The following ASIC2 variants were observed in gnomAD, a reference collection of about 807,000 sequenced individuals.
The protein encoded by ASIC2 is acid-sensing ion channel 2.
ASIC2 carries 25 observed loss-of-function variants against 57.3 expected under a neutral mutation model. The ratio of observed to expected loss-of-function variants is 0.44; its 90% CI spans 0.32 to 0.61. The LOEUF (loss-of-function observed/expected upper bound fraction) is 0.61, where lower values mean the gene tolerates loss of function less well. Ranked by LOEUF, ASIC2 falls within the 20% of genes least tolerant of loss-of-function variation. The probability of loss-of-function intolerance (pLI) is 0.06; values close to 1 mark genes in which losing one functional copy is unlikely to be tolerated. For missense variants in ASIC2, 641 were observed against 738.1 expected (o/e 0.87, Z 1.52); for synonymous variants, 319 against 307.5 (o/e 1.04, Z -0.39).
At chr17:33,666,772 T>C (rs1907488140) in intron 1 of ASIC2, among the ~76,000 whole-genome samples, 1 of 152,118 alleles carries the variant, frequency 6.6e-6, no homozygotes, top group South Asian at 2.1e-4. Context: ...TGGACAGTGC[T>C]CCCCAGCATG....
chr17:33,140,888 A>T (rs1010258008), intron 1 of ASIC2, among the ~76,000 whole-genome samples: 8 of 152,232 alleles, frequency 5.3e-5, no homozygotes, highest in Non-Finnish European at 7.3e-5. Context: ...GGCACATTCC[A>T]TCCGGGCCAC....
At chr17:34,110,425 CT>C (rs1439563132) in intron 1 of ASIC2, among the ~76,000 whole-genome samples, 1 of 152,230 alleles carries the variant, frequency 6.6e-6, no homozygotes, top group Non-Finnish European at 1.5e-5. Context: ...CTCTCTGCCC[CT>C]GGCTCTCCCA....
chr17:33,409,834 G>A (rs1453528608), intron 1 of ASIC2, among the ~76,000 whole-genome samples: 1 of 152,172 alleles, frequency 6.6e-6, no homozygotes. Flanking sequence ...AGTTTGGGCG[G>A]CCTCTTGGCC....
chr17:33,892,162 G>A (rs555261817), intron 1 of ASIC2, among the ~76,000 whole-genome samples: 1 of 152,278 alleles, frequency 6.6e-6, no homozygotes, highest in East Asian at 1.9e-4. Flanking sequence ...GTACTCATTT[G>A]AGAAATAGAC....
intron 1 of ASIC2, among the ~76,000 whole-genome samples, chr17:33,952,766 A>T (rs539350097): frequency 6.6e-6 from 1 of 152,230 alleles, no homozygotes; most frequent in South Asian, 2.1e-4. Flanking sequence ...AGTAAAAAAC[A>T]TCCTAATTAT....
intron 1 of ASIC2, among the ~76,000 whole-genome samples, chr17:33,623,289 T>C (rs898376886): frequency 1.3e-5 from 2 of 151,804 alleles, no homozygotes; most frequent in African/African-American, 4.8e-5. Context: ...TGAGATGGAG[T>C]CTCTCTCTGT....
intron 1 of ASIC2, among the ~76,000 whole-genome samples, chr17:33,305,957 C>T (rs962963654): frequency 6.6e-6 from 1 of 152,114 alleles, no homozygotes; most frequent in Non-Finnish European, 1.5e-5. Context: ...AGTTATTATT[C>T]GATACATGGC....
intron 1 of ASIC2, among the ~76,000 whole-genome samples, chr17:33,886,933 A>G (rs1048151833): frequency 4.1e-5 from 6 of 146,766 alleles, no homozygotes; most frequent in African/African-American, 1.5e-4. Context: ...TACCAAAGGC[A>G]GAAAACAAAC....
chr17:33,464,505 TTTCTTTCTTTC>T (rs1912762953), intron 1 of ASIC2, among the ~76,000 whole-genome samples: 2 of 51,266 alleles, frequency 3.9e-5, no homozygotes, highest in Non-Finnish European at 7.7e-5. Context: ...TCTTTCTTTC[TTTCTTTCTTTC>T]TTTCTTTCTT....
In ASIC2 at chr17:33,708,645, C is replaced by T. The variant is rs1279720132; in HGVS notation, c.555+447333G>A. Among the ~76,000 whole-genome samples, 4 of 152,148 alleles carry T rather than the reference C, an allele frequency of 2.6e-5. No homozygotes were observed. In the South Asian group the frequency reaches 8.3e-4, roughly 32 times the overall value. Reference sequence around the variant, plus strand: ...CTCTGTTCTCTATGGGATGAGGTTTCTCTGCTCCATGTCCAGTAGGGAAAA... The same window carrying T: ...CTCTGTTCTCTATGGGATGAGGTTTTTCTGCTCCATGTCCAGTAGGGAAAA... On this transcript the variant is annotated intron_variant, in intron 1 of 9. Transcript: ENST00000359872.
chr17:33,344,391 C>T (rs1218869708), intron 1 of ASIC2, among the ~76,000 whole-genome samples: 1 of 152,126 alleles, frequency 6.6e-6, no homozygotes, highest in African/African-American at 2.4e-5. Context: ...GTCATTTTTA[C>T]CTGGCAGGGA....
intron 1 of ASIC2, among the ~76,000 whole-genome samples, chr17:33,564,853 T>C (rs1334670018): frequency 6.6e-6 from 1 of 152,208 alleles, no homozygotes; most frequent in African/African-American, 2.4e-5. Context: ...CCACAAACAA[T>C]AGCATGGGTG....
rs114455891 is a variant in ASIC2 at position 33,180,474 on chromosome 17, A to G, written c.709-68407T>C. On this transcript the variant is annotated intron_variant, in intron 1 of 9. Transcript: ENST00000225823. ...TAGCATGCTTTGAAGCCAGCCCCAC[A>G]TGGAGGAGCATCTGACGTCCCTTGC... Among the ~76,000 whole-genome samples the G allele has an allele frequency of 6.3e-3, 953 of 152,152 alleles. 8 individuals carry two copies. The highest frequency in any genetic ancestry group is 0.022 in the African/African-American group (903 of 41,514).
chr17:33,322,548 A>G (rs1403784901), intron 1 of ASIC2, among the ~76,000 whole-genome samples: 4 of 152,180 alleles, frequency 2.6e-5, no homozygotes, highest in African/African-American at 9.7e-5. Context: ...CTTAACAACC[A>G]GTAGAAAGAT....
chr17:33,250,853 A>G (rs1908857799), intron 1 of ASIC2, among the ~76,000 whole-genome samples: 1 of 152,180 alleles, frequency 6.6e-6, no homozygotes, highest in Admixed American at 6.5e-5. Context: ...AAAGGCAAAA[A>G]TTGTGCCTCT....
chr17:33,243,204 T>C lies in ASIC2; in HGVS notation c.708+48204A>G, dbSNP rs550992289. ...TTCTTAATAACTATGCATTTCATAA[T>C]GATTATTAGAATAAGTGTAACTAGT... On this transcript the variant is annotated intron_variant, in intron 1 of 9. Coordinates refer to ENST00000225823, the MANE Select transcript of ASIC2 (RefSeq NM_183377.2). Among the ~76,000 whole-genome samples, 22 of 152,328 alleles carry C rather than the reference T, an allele frequency of 1.4e-4. No homozygotes were observed. In the East Asian group the frequency reaches 3.7e-3, roughly 25 times the overall value.
intron 1 of ASIC2, chr17:33,936,610 T>C (rs1916068628): frequency 6.6e-6 from 1 of 152,200 alleles, no homozygotes; most frequent in Non-Finnish European, 1.5e-5. Context: ...AGGTGTCCTG[T>C]GGAGAACTGA....
intron 1 of ASIC2, among the ~76,000 whole-genome samples, chr17:33,856,588 T>A (rs1480096633): frequency 5.5e-5 from 1 of 18,266 alleles, no homozygotes; most frequent in Admixed American, 8.4e-4. Flanking sequence ...GGCTGTAGTA[T>A]CCTAACAGGA....
At chr17:33,045,631 C>T (rs2091950853) in intron 3 of ASIC2, among the ~76,000 whole-genome samples, 1 of 152,062 alleles carries the variant, frequency 6.6e-6, no homozygotes, top group Non-Finnish European at 1.5e-5. Flanking sequence ...CTTTTCTGGG[C>T]CAGGGTCATG....
Sources: allele counts gnomAD v4.1 joint callset (sites outside exome capture counted in the v4.1 genomes callset), GRCh38; gene constraint gnomAD v4.1.1; transcripts MANE v1.5; gene names NCBI Gene and HGNC (gene_info 2026-07-23, HGNC 2026-07-21).